The following MAGI2 variants were observed in gnomAD, a reference collection of about 807,000 sequenced individuals.
The protein encoded by MAGI2 is membrane associated guanylate kinase, WW and PDZ domain containing 2.
Under a neutral mutation model 133.3 loss-of-function variants are expected in MAGI2, and 35 were observed. The ratio of observed to expected loss-of-function variants is 0.26; its 90% CI spans 0.20 to 0.35. The LOEUF (loss-of-function observed/expected upper bound fraction) is 0.35, where lower values mean the gene tolerates loss of function less well. MAGI2 is among the 10% of genes least tolerant of loss of function. The pLI is 1.00. For synonymous variants in MAGI2, 729 were observed against 710.6 expected, an observed-to-expected ratio of 1.03 and a Z score of -0.41; for missense variants, 1,636 against 1,863.4, an observed-to-expected ratio of 0.88 and a Z score of 2.25.
At chr7:79,363,915 A>T (rs190322603) in intron 1 of MAGI2, among the ~76,000 whole-genome samples, 31 of 152,016 alleles carry the variant, frequency 2.0e-4, no homozygotes, top group African/African-American at 7.0e-4. Flanking sequence ...CATAAAAATT[A>T]AAAATAAACT....
At chr7:78,256,687 G>T (rs955115828) in intron 9 of MAGI2, 106 bp from the exon 10 acceptor site, 11 of 918,816 alleles carry the variant, frequency 1.2e-5, no homozygotes, top group Non-Finnish European at 1.8e-5. Context: ...TTCTTAGTAA[G>T]CAGTGAGAAA....
chr7:78,917,702 C>T (rs541107831), intron 2 of MAGI2, among the ~76,000 whole-genome samples: 3 of 152,274 alleles, frequency 2.0e-5, no homozygotes, highest in Admixed American at 1.3e-4. Context: ...AATTGCAAGT[C>T]ATGGGCCACT....
intron 2 of MAGI2, 111 bp from the exon 3 acceptor site, chr7:78,627,350 C>A: frequency 1.9e-6 from 2 of 1,034,240 alleles, no homozygotes; most frequent in Non-Finnish European, 2.6e-6. Flanking sequence ...GTACATCCTG[C>A]AAGTTGGCAG....
intron 6 of MAGI2, among the ~76,000 whole-genome samples, chr7:78,379,234 A>G (rs1377743159): frequency 6.6e-6 from 1 of 152,062 alleles, no homozygotes; most frequent in South Asian, 2.1e-4. Flanking sequence ...CAAACCAAAC[A>G]TAGAATTGAA....
chr7:78,206,290 CTTTCTTTT>C (rs1230199144), intron 10 of MAGI2, among the ~76,000 whole-genome samples: 2 of 111,250 alleles, frequency 1.8e-5, no homozygotes, highest in Non-Finnish European at 3.8e-5. Context: ...TTTCCTTTTC[CTTTCTTTT>C]TTTTTTTTTT....
intron 1 of MAGI2, among the ~76,000 whole-genome samples, chr7:79,237,471 A>C (rs1369325679): frequency 1.3e-5 from 2 of 152,138 alleles, no homozygotes; most frequent in Non-Finnish European, 2.9e-5. Context: ...AGTTTTATAC[A>C]CTCAAGTTAG....
At chr7:78,771,888 C>T (rs1266490862) in intron 2 of MAGI2, among the ~76,000 whole-genome samples, 2 of 152,146 alleles carry the variant, frequency 1.3e-5, no homozygotes, top group African/African-American at 2.4e-5. Context: ...TGCTCTGAGA[C>T]AAATAATTTT....
intron 2 of MAGI2, among the ~76,000 whole-genome samples, chr7:78,742,075 C>T (rs1018245829): frequency 3.3e-5 from 5 of 151,724 alleles, no homozygotes; most frequent in South Asian, 2.1e-4. Context: ...TGGGTAGAAC[C>T]GTACATGTAG....
intron 21 of MAGI2, among the ~76,000 whole-genome samples, chr7:78,050,531 C>T (rs917241209): frequency 6.6e-6 from 1 of 152,168 alleles, no homozygotes; most frequent in African/African-American, 2.4e-5. Flanking sequence ...ATCTAAATGA[C>T]ACAAGAGGAT....
At chr7:79,154,947 T>A (rs1016128917) in intron 1 of MAGI2, among the ~76,000 whole-genome samples, 1 of 152,230 alleles carries the variant, frequency 6.6e-6, no homozygotes. Flanking sequence ...CTTGCACAAT[T>A]CCCTTCACAC....
intron 3 of MAGI2, among the ~76,000 whole-genome samples, chr7:78,536,510 T>C (rs1331649586): frequency 3.3e-5 from 5 of 152,056 alleles, no homozygotes; most frequent in African/African-American, 1.2e-4. Flanking sequence ...CTTGGGCTAG[T>C]GGAAGGTGAT....
chr7:78,439,820 G>GT (rs974226981), intron 6 of MAGI2, among the ~76,000 whole-genome samples: 42 of 151,904 alleles, frequency 2.8e-4, no homozygotes, highest in Admixed American at 1.4e-3. Context: ...CCTTCTTGAG[G>GT]TTTTCTTTCA....
At chr7:78,223,843 A>C (rs538337964) in intron 10 of MAGI2, among the ~76,000 whole-genome samples, 3 of 152,188 alleles carry the variant, frequency 2.0e-5, no homozygotes, top group Non-Finnish European at 4.4e-5. Context: ...ATGAGTATAA[A>C]ATATCACTAT....
intron 3 of MAGI2, among the ~76,000 whole-genome samples, chr7:78,582,916 A>C (rs1802994598): frequency 6.6e-6 from 1 of 152,196 alleles, no homozygotes; most frequent in African/African-American, 2.4e-5. Flanking sequence ...AGCCACTTAA[A>C]ATATAGGAGC....
At chr7:79,184,186 G>A (rs1330568513) in intron 1 of MAGI2, among the ~76,000 whole-genome samples, 3 of 151,732 alleles carry the variant, frequency 2.0e-5, no homozygotes, top group Non-Finnish European at 4.4e-5. Flanking sequence ...GTAATGGTAT[G>A]TTAATTAGCT....
intron 6 of MAGI2, among the ~76,000 whole-genome samples, chr7:78,380,794 C>A (rs935919070): frequency 4.6e-5 from 7 of 152,092 alleles, no homozygotes; most frequent in Admixed American, 4.6e-4. Flanking sequence ...TCCCGTTTAT[C>A]CTCACGAGAT....
intron 7 of MAGI2, chr7:78,359,066 C>T (rs993513766): frequency 1.3e-5 from 2 of 152,162 alleles, no homozygotes; most frequent in African/African-American, 4.8e-5. Flanking sequence ...TTAGTCACTG[C>T]CTTTCTATAA....
chr7:78,570,129 G>A (rs1226446829), intron 3 of MAGI2, among the ~76,000 whole-genome samples: 3 of 152,140 alleles, frequency 2.0e-5, no homozygotes, highest in Non-Finnish European at 4.4e-5. Context: ...GAACAGATAT[G>A]TACATATTCC....
intron 2 of MAGI2, among the ~76,000 whole-genome samples, chr7:78,829,510 A>G (rs1790952735): frequency 1.3e-5 from 2 of 152,058 alleles, no homozygotes; most frequent in Non-Finnish European, 1.5e-5. Flanking sequence ...ACAATTCCAT[A>G]AACTATTGAT....
Sources: gnomAD v4.1 joint callset for allele counts (sites outside exome capture counted in the v4.1 genomes callset) on GRCh38, gnomAD v4.1.1 for gene constraint, MANE v1.5 for transcripts, NCBI Gene and HGNC (gene_info 2026-07-23, HGNC 2026-07-21) for gene names.